The following GRID1 variants were observed in gnomAD, a reference collection of about 807,000 sequenced individuals.
GRID1 encodes the protein glutamate receptor ionotropic, delta-1.
Under a neutral mutation model 98.0 loss-of-function variants are expected in GRID1, and 28 were observed. That is an observed-to-expected ratio of 0.29 (90% confidence interval 0.21 to 0.39). The LOEUF (loss-of-function observed/expected upper bound fraction) is 0.39, where lower values mean the gene tolerates loss of function less well. GRID1 is among the 10% of genes least tolerant of loss of function. GRID1 has a pLI of 1.00. For missense variants in GRID1, 1,111 were observed against 1,340.5 expected (o/e 0.83, Z 2.67); for synonymous variants, 553 against 538.5 (o/e 1.03, Z -0.37).
intron 8 of GRID1, among the ~76,000 whole-genome samples, chr10:85,824,906 G>A (rs1842805552): frequency 6.6e-6 from 1 of 152,170 alleles, no homozygotes; most frequent in Non-Finnish European, 1.5e-5. Flanking sequence ...TCAGTAGTAT[G>A]CCACACTATA....
intron 2 of GRID1, among the ~76,000 whole-genome samples, chr10:86,236,659 A>G (rs1198233721): frequency 6.6e-6 from 1 of 152,204 alleles, no homozygotes; most frequent in Non-Finnish European, 1.5e-5. Flanking sequence ...GCAAAGTGCA[A>G]TATCAGCAGG....
At chr10:86,063,026 C>A (rs1345708556) in intron 4 of GRID1, among the ~76,000 whole-genome samples, 2 of 152,254 alleles carry the variant, frequency 1.3e-5, no homozygotes, top group Non-Finnish European at 2.9e-5. Context: ...GGGGTCCGTT[C>A]AGGAATCTGT....
chr10:86,210,381 C>T (rs1402362035), intron 2 of GRID1, among the ~76,000 whole-genome samples: 10 of 152,210 alleles, frequency 6.6e-5, no homozygotes, highest in Admixed American at 6.5e-4. Context: ...GTCCCTTTCT[C>T]AGCCTCCATT....
intron 2 of GRID1, among the ~76,000 whole-genome samples, chr10:86,211,976 G>A (rs538079298): frequency 3.9e-5 from 6 of 152,314 alleles, no homozygotes; most frequent in African/African-American, 1.4e-4. Context: ...TCCCCTGAAA[G>A]CAGATCCTTG....
intron 2 of GRID1, among the ~76,000 whole-genome samples, chr10:86,232,712 C>T (rs1327581940): frequency 6.6e-6 from 1 of 152,060 alleles, no homozygotes; most frequent in Non-Finnish European, 1.5e-5. Context: ...AGGGCATTAA[C>T]AATTTGTATT....
At chr10:86,359,969 T>C (rs11201993) in intron 2 of GRID1, among the ~76,000 whole-genome samples, 2,550 of 152,356 alleles carry the variant, frequency 0.017, 60 homozygotes, top group African/African-American at 0.054. Context: ...CCTTATCAAA[T>C]GGATATTTTA....
intron 4 of GRID1, among the ~76,000 whole-genome samples, chr10:86,088,049 G>T (rs1297082888): frequency 1.3e-5 from 2 of 152,212 alleles, no homozygotes; most frequent in Non-Finnish European, 2.9e-5. Context: ...CCCCACAAAC[G>T]CTTCCGTGGC....
intron 2 of GRID1, among the ~76,000 whole-genome samples, chr10:86,302,863 C>T (rs545704072): frequency 1.3e-5 from 2 of 152,370 alleles, no homozygotes; most frequent in Admixed American, 1.3e-4. Context: ...AATGCAGAAT[C>T]TCAGGCCCTC....
At position 85,844,420 on chromosome 10, in the gene GRID1, TACACACAC is replaced by T. The variant is rs55706189; in HGVS notation, c.1233+10068_1233+10075del. Among the ~76,000 whole-genome samples the T allele has an allele frequency of 5.7e-3, 766 of 133,844 alleles. 6 individuals carry two copies. The highest frequency in any genetic ancestry group is 0.011 in the African/African-American group (385 of 36,498). 87.8% of individuals were successfully genotyped at this position (133,844 alleles called of 152,430 possible). A position where few individuals can be genotyped will look rare whatever the true frequency, so the allele number is the denominator to read the frequency against. On this transcript the variant is annotated intron_variant, in intron 8 of 15. Transcript: ENST00000327946. Reference sequence around the variant, plus strand: ...CAGGAAAATACTGAATACAACTAAATACACACACACACACACACACACACACACACACA... The same window carrying T: ...CAGGAAAATACTGAATACAACTAAATACACACACACACACACACACACACA...
In GRID1 at chr10:85,697,703, G is replaced by C. The variant is rs1841409281; in HGVS notation, c.1997+25300C>G. Among the ~76,000 whole-genome samples the C allele has an allele frequency of 2.0e-5, 3 of 152,116 alleles. No individual in the cohort carries two copies. The South Asian group carries it at 6.2e-4, about 31-fold the overall frequency. ...CAAGTTTATGGTGGCCTGAAGGCAA[G>C]AACTGATATGTAGCTCCGTTAAAAT... On this transcript the variant is annotated intron_variant, in intron 12 of 15. Transcript: ENST00000327946.
At chr10:85,987,297 C>T (rs1222105002) in intron 4 of GRID1, among the ~76,000 whole-genome samples, 1 of 152,028 alleles carries the variant, frequency 6.6e-6, no homozygotes, top group South Asian at 2.1e-4. Context: ...CTTACCTCCC[C>T]TCCCCCAGTC....
At chr10:86,327,816 G>A (rs191253599) in intron 2 of GRID1, among the ~76,000 whole-genome samples, 22 of 152,282 alleles carry the variant, frequency 1.4e-4, no homozygotes, top group Non-Finnish European at 2.9e-4. Context: ...TTACCCTGTC[G>A]CTGGGTGTGC....
chr10:86,255,947 C>T (rs1212425851), intron 2 of GRID1, among the ~76,000 whole-genome samples: 2 of 152,186 alleles, frequency 1.3e-5, no homozygotes, highest in Middle Eastern at 3.2e-3. Flanking sequence ...CCATGGTGTG[C>T]ACAACAGCCG....
chr10:85,858,829 G>A lies in GRID1; in HGVS notation c.952-2639C>T, dbSNP rs112718396. Among the ~76,000 whole-genome samples the A allele has an allele frequency of 2.4e-3, 369 of 152,240 alleles. 1 individual carries two copies. Among genetic ancestry groups the A allele is most frequent in the African/African-American group, 7.9e-3 (328 of 41,540 alleles). Reference sequence around the variant, plus strand: ...TCAGGGCAGAGTCCACAGCACCAGCGCATCTGTGGCTCTGACCAGAACCCA... The same window carrying A: ...TCAGGGCAGAGTCCACAGCACCAGCACATCTGTGGCTCTGACCAGAACCCA... On this transcript the variant is annotated intron_variant, in intron 6 of 15. Transcript: ENST00000327946.
rs765633571 is a variant in GRID1 at position 85,783,955 on chromosome 10, C to T, written c.1234-54341G>A. ...TTGGTTAGTTGAGGTTGGGAGATATCGCTGGCATCAGGGGGCCCAGGGCCT... is the reference window on the plus strand; with the variant it reads ...TTGGTTAGTTGAGGTTGGGAGATATTGCTGGCATCAGGGGGCCCAGGGCCT... On this transcript the variant is annotated intron_variant, in intron 8 of 15. Transcript: ENST00000327946. Among the ~76,000 whole-genome samples the T allele has an allele frequency of 3.9e-4, 60 of 152,112 alleles. 1 individual carries two copies. Among genetic ancestry groups the T allele is most frequent in the Non-Finnish European group, 7.5e-4 (51 of 68,032 alleles).
chr10:86,254,472 G>A lies in GRID1; in HGVS notation c.236-47824C>T, dbSNP rs532341304. On this transcript the variant is annotated intron_variant, in intron 2 of 15. Transcript: ENST00000327946. ...TTTTGAGGTGGGGCTCTGTAATTGT[G>A]TCTTTTGACAAGATCCAGGTGACGG... Among the ~76,000 whole-genome samples the A allele has an allele frequency of 2.6e-5, 4 of 152,362 alleles. No homozygotes were observed. In the South Asian group the frequency reaches 8.3e-4, roughly 32 times the overall value.
intron 2 of GRID1, among the ~76,000 whole-genome samples, chr10:86,357,565 C>T: frequency 6.6e-6 from 1 of 152,194 alleles, no homozygotes; most frequent in East Asian, 1.9e-4. Flanking sequence ...TGTGTGCCCT[C>T]ATGCATATGT....
intron 2 of GRID1, among the ~76,000 whole-genome samples, chr10:86,320,698 AACAC>A (rs1301463552): frequency 6.6e-6 from 1 of 152,224 alleles, no homozygotes; most frequent in African/African-American, 2.4e-5. Flanking sequence ...CATTTTAACA[AACAC>A]ACACACATCC....
rs141639727 is a variant in GRID1, at chr10:85,901,993, G to C, written c.780+14193C>G. 1.4e-3 allele frequency among the ~76,000 whole-genome samples: 207 copies of C among 152,256 alleles called. 1 individual carries two copies. The highest frequency in any genetic ancestry group is 4.9e-3 in the African/African-American group (205 of 41,554). On this transcript the variant is annotated intron_variant, in intron 5 of 15. Transcript: ENST00000327946. Reference sequence around the variant, plus strand: ...AGTAAATAGGGTTTGTTTCCTTCTGGTATTCCTCATGGGACATACATAAGC... The same window carrying C: ...AGTAAATAGGGTTTGTTTCCTTCTGCTATTCCTCATGGGACATACATAAGC...
Sources: allele counts gnomAD v4.1 joint callset (sites outside exome capture counted in the v4.1 genomes callset), GRCh38; gene constraint gnomAD v4.1.1; transcripts MANE v1.5; gene names NCBI Gene and HGNC (gene_info 2026-07-23, HGNC 2026-07-21).